Variants in LRRC66 observed in about 807,000 individuals in gnomAD.
LRRC66 encodes leucine-rich repeat-containing protein 66.
LRRC66 carries 29 observed loss-of-function variants against 24.6 expected under a neutral mutation model. That is an observed-to-expected ratio of 1.18 (90% CI 0.88 to 1.61). The LOEUF (loss-of-function observed/expected upper bound fraction) is 1.61, where lower values mean the gene tolerates loss of function less well. Ranked by LOEUF, LRRC66 falls within the 40% of genes most tolerant of loss-of-function variation. The probability of loss-of-function intolerance (pLI) is 0.00; values close to 1 mark genes in which losing one functional copy is unlikely to be tolerated. For missense variants in LRRC66, 1,124 were observed against 1,058.0 expected (o/e 1.06, Z -0.87); for synonymous variants, 411 against 397.6 (o/e 1.03, Z -0.40).
chr4:52,004,628 C>T (rs373000000), intron 2 of LRRC66, among the ~76,000 whole-genome samples: 58 of 152,318 alleles, frequency 3.8e-4, no homozygotes, highest in African/African-American at 1.3e-3. Flanking sequence ...CTGCACTGTT[C>T]TTGCATGTAG....
intron 2 of LRRC66, among the ~76,000 whole-genome samples, chr4:52,011,027 G>A (rs933618617): frequency 6.6e-6 from 1 of 152,124 alleles, no homozygotes; most frequent in Non-Finnish European, 1.5e-5. Context: ...GGAGATCAGC[G>A]GTTTCCTGGG....
chr4:52,019,360 A>C (rs568968698), intron 1 of LRRC66, among the ~76,000 whole-genome samples: 90 of 109,204 alleles, frequency 8.2e-4, no homozygotes, highest in African/African-American at 2.1e-3. Flanking sequence ...CTGAACTCCC[A>C]AAAAAAAAAG....
chr4:52,012,260 A>G (rs1051811049), intron 2 of LRRC66, among the ~76,000 whole-genome samples: 1 of 152,070 alleles, frequency 6.6e-6, no homozygotes, highest in Non-Finnish European at 1.5e-5. Flanking sequence ...GGAGAGGGTG[A>G]TTTTGATTTT....
intron 4 of LRRC66, 100 bp downstream of exon 4, chr4:51,997,648 T>C: frequency 2.8e-6 from 3 of 1,082,430 alleles, no homozygotes; most frequent in South Asian, 2.9e-5. Flanking sequence ...ATCAGCACTT[T>C]TGCTTTCATG....
At chr4:51,996,579 C>A (rs1195293940) in intron 4 of LRRC66, among the ~76,000 whole-genome samples, 1 of 152,176 alleles carries the variant, frequency 6.6e-6, no homozygotes, top group African/African-American at 2.4e-5. Context: ...GTTTCAGAAG[C>A]TTCTGTGAGT....
At chr4:52,013,766 T>C (rs143419050) in intron 2 of LRRC66, among the ~76,000 whole-genome samples, 2 of 152,228 alleles carry the variant, frequency 1.3e-5, no homozygotes. Flanking sequence ...CAACTTTTCA[T>C]TGGTTCTAGA....
chr4:52,014,391 G>A (rs758935286), intron 2 of LRRC66, among the ~76,000 whole-genome samples: 1 of 152,224 alleles, frequency 6.6e-6, no homozygotes, highest in Non-Finnish European at 1.5e-5. Flanking sequence ...ACAAGATTCT[G>A]AAGTAGTTTT....
intron 3 of LRRC66, 125 bp downstream of exon 3, chr4:52,003,098 A>G (rs2110196236): frequency 2.8e-6 from 2 of 723,484 alleles, no homozygotes; most frequent in South Asian, 2.3e-5. Flanking sequence ...CTTAAAATAG[A>G]CTAACAGTTT....
intron 3 of LRRC66, among the ~76,000 whole-genome samples, chr4:52,002,565 T>C (rs377679282): frequency 2.0e-5 from 3 of 152,314 alleles, no homozygotes. Flanking sequence ...CTTACAGTAG[T>C]ATAATTGGCA....
rs567616224 is a variant in LRRC66, at chr4:51,993,670, T to A, written c.*709A>T. The A allele has an allele frequency of 1.3e-5, 2 of 152,338 alleles. No homozygotes were observed. Among genetic ancestry groups the A allele is most frequent in the Admixed American group, 6.5e-5 (1 of 15,304 alleles). The allele number at this position is 152,338 out of a possible 1,614,324, so 9.4% of individuals were successfully genotyped here. On this transcript the variant is annotated 3_prime_UTR_variant, in exon 5 of 5. Transcript: ENST00000682860. ...TTGAAAATTGATTTTTAATTTACAC[T>A]TTATTCTAAAAAGTGGCCCCTCTTC...
rs535018836 is a variant in LRRC66 at position 51,998,016 on chromosome 4, A to G, written c.667-79T>C. 3 of 1,230,360 alleles carry G rather than the reference A, an allele frequency of 2.4e-6. No homozygotes were observed. The South Asian group carries it at 4.1e-5, about 17-fold the overall frequency. 76.2% of individuals were successfully genotyped at this position (1,230,360 alleles called of 1,614,324 possible). On this transcript the variant is annotated intron_variant, in intron 3 of 4. Coordinates refer to ENST00000682860, the MANE Select transcript of LRRC66 (RefSeq NM_001024611.3). Reference sequence around the variant, plus strand: ...TAAAATAAATGAGTTACAGAAAACTACTGTTTATGTCTCTATGGAGGCAAT... The same window carrying G: ...TAAAATAAATGAGTTACAGAAAACTGCTGTTTATGTCTCTATGGAGGCAAT...
At chr4:51,998,407 CTTAT>C (rs778816792) in intron 3 of LRRC66, among the ~76,000 whole-genome samples, 1 of 152,096 alleles carries the variant, frequency 6.6e-6, no homozygotes, top group African/African-American at 2.4e-5. Context: ...GACCAGAAAT[CTTAT>C]TTATTTATTT....
chr4:52,018,427 A>G, intron 1 of LRRC66: 2 of 985,404 alleles, frequency 2.0e-6, no homozygotes, highest in African/African-American at 1.7e-5. Context: ...TTCCACTTAA[A>G]AGCCACTGTG....
chr4:51,995,731 C>A lies in LRRC66; in HGVS notation c.1291G>T (p.Ala431Ser), dbSNP rs1057016353. 1.9e-6 allele frequency: 3 copies of A among 1,614,020 alleles called. No individual in the cohort carries two copies. In the Admixed American group the frequency reaches 5.0e-5, roughly 27 times the overall value. ...TCTGGGTGTGGTGTGTGCCCCGCAGCTTCCATGTCATCGTAGAAGCCCTCG... is the reference window on the plus strand; with the variant it reads ...TCTGGGTGTGGTGTGTGCCCCGCAGATTCCATGTCATCGTAGAAGCCCTCG... ...SNEGFYDDME[A>S]AGHTPHPETH... The change falls in exon 5 of 5, where the codon GCT (alanine) becomes TCT (serine). Residue 431 changes from alanine to serine, a missense_variant. Ala to Ser is a moderately conservative substitution (Grantham distance 99, BLOSUM62 1). Coordinates refer to ENST00000682860, the MANE Select transcript of LRRC66 (RefSeq NM_001024611.3).
At chr4:52,009,173 G>A (rs753062507) in intron 2 of LRRC66, among the ~76,000 whole-genome samples, 58 of 152,030 alleles carry the variant, frequency 3.8e-4, no homozygotes, top group Non-Finnish European at 7.8e-4. Flanking sequence ...AATCAAAATA[G>A]AAATAATTTT....
chr4:52,006,615 T>C (rs1388135151), intron 2 of LRRC66, among the ~76,000 whole-genome samples: 1 of 148,588 alleles, frequency 6.7e-6, no homozygotes, highest in Non-Finnish European at 1.5e-5. Flanking sequence ...GACGAGTTAG[T>C]GGGTGCAGCG....
intron 3 of LRRC66, 67 bp downstream of exon 3, chr4:52,003,156 A>G: frequency 7.9e-7 from 1 of 1,267,062 alleles, no homozygotes; most frequent in Non-Finnish European, 1.1e-6. Context: ...CTTCAATAGA[A>G]ATATGCTTCT....
chr4:52,006,252 G>GT (rs1278771016), intron 2 of LRRC66, among the ~76,000 whole-genome samples: 2 of 152,096 alleles, frequency 1.3e-5, no homozygotes, highest in African/African-American at 4.8e-5. Flanking sequence ...ACATGCACAC[G>GT]TATGTTTATT....
chr4:51,994,301 A>T lies in LRRC66; in HGVS notation c.*78T>A. 8 of 1,326,834 alleles carry T rather than the reference A, an allele frequency of 6.0e-6. No individual in the cohort carries two copies. In the South Asian group the frequency reaches 9.0e-5, roughly 15 times the overall value. The allele number at this position is 1,326,834 out of a possible 1,614,324, so 82.2% of individuals were successfully genotyped here. A position where few individuals can be genotyped will look rare whatever the true frequency, so the allele number is the denominator to read the frequency against. On this transcript the variant is annotated 3_prime_UTR_variant, in exon 5 of 5. Coordinates refer to ENST00000682860, the MANE Select transcript of LRRC66 (RefSeq NM_001024611.3). ...TTGTCTCCTTCAGGATCTTGTTGTG[A>T]AGGCTTTAGTTTTCCCCTGCCATGA...
Sources: gnomAD v4.1 joint callset for allele counts (sites outside exome capture counted in the v4.1 genomes callset) on GRCh38, gnomAD v4.1.1 for gene constraint, MANE v1.5 for transcripts, NCBI Gene and HGNC (gene_info 2026-07-23, HGNC 2026-07-21) for gene names.